PRRC2C: variants seen among roughly 807,000 people sequenced by gnomAD.
The protein encoded by PRRC2C is protein PRRC2C.
Under a neutral mutation model 317.2 loss-of-function variants are expected in PRRC2C, and 72 were observed. The ratio of observed to expected loss-of-function variants is 0.23; its 90% CI spans 0.19 to 0.28. PRRC2C has a LOEUF of 0.28. Among genes scored for constraint, PRRC2C ranks in the 10% least tolerant of loss-of-function variants. The pLI, the probability that PRRC2C is intolerant of heterozygous loss-of-function variation, is 1.00. For missense variants in PRRC2C, 3,074 were observed against 3,459.7 expected, an observed-to-expected ratio of 0.89 and a Z score of 2.80; for synonymous variants, 1,296 against 1,205.9, an observed-to-expected ratio of 1.07 and a Z score of -1.55.
chr1:171,498,237 C>A lies in PRRC2C; in HGVS notation c.-58+12502C>A, dbSNP rs565880255. 2.0e-5 allele frequency among the ~76,000 whole-genome samples: 3 copies of A among 152,250 alleles called. No homozygotes were observed. The East Asian group carries it at 5.8e-4, about 29-fold the overall frequency. On this transcript the variant is annotated intron_variant, in intron 1 of 34. Transcript: ENST00000647382. ...GACTTCCTCTCTTAGTCCATTCATG[C>A]TGCTGTAACAAAATGCCTGAGACTG...
At chr1:171,518,803 T>C (rs1475350099) in intron 6 of PRRC2C, among the ~76,000 whole-genome samples, 1 of 151,588 alleles carries the variant, frequency 6.6e-6, no homozygotes, top group African/African-American at 2.4e-5. Flanking sequence ...TCACTTGGCC[T>C]TTAAACTTTT....
At chr1:171,535,369 C>G (rs1275303606) in intron 12 of PRRC2C, 59 bp from the exon 13 acceptor site, 5 of 1,457,434 alleles carry the variant, frequency 3.4e-6, no homozygotes, top group Non-Finnish European at 2.8e-6. Flanking sequence ...TTGTAAAAAT[C>G]CTGTGTTTGA....
intron 2 of PRRC2C, 120 bp from the exon 3 acceptor site, chr1:171,512,875 A>G (rs1671641622): frequency 4.4e-6 from 4 of 918,836 alleles, no homozygotes; most frequent in African/African-American, 1.7e-5. Flanking sequence ...TTATTTTAAA[A>G]TACATGAATG....
At chr1:171,542,769 T>C (rs1204694566) in intron 16 of PRRC2C, among the ~76,000 whole-genome samples, 1 of 151,932 alleles carries the variant, frequency 6.6e-6, no homozygotes, top group South Asian at 2.1e-4. Flanking sequence ...TGTTTTTTGT[T>C]GTTGTTGTTG....
At chr1:171,588,558 A>G (rs1650585548) in intron 33 of PRRC2C, 53 bp downstream of exon 33, 1 of 1,547,310 alleles carries the variant, frequency 6.5e-7, no homozygotes, top group African/African-American at 1.4e-5. Context: ...ATAGTTGCTA[A>G]TCTGATAAAT....
intron 30 of PRRC2C, 51 bp downstream of exon 30, chr1:171,584,577 T>G: frequency 6.7e-7 from 1 of 1,499,232 alleles, no homozygotes; most frequent in Non-Finnish European, 8.9e-7. Context: ...ATTATTTTTA[T>G]TGCTTTTGTT....
At chr1:171,552,887 G>A (rs1680574069) in intron 18 of PRRC2C, among the ~76,000 whole-genome samples, 2 of 152,026 alleles carry the variant, frequency 1.3e-5, no homozygotes, top group South Asian at 4.2e-4. Flanking sequence ...GAGGATTTTT[G>A]CATCAATGTT....
intron 3 of PRRC2C, chr1:171,513,599 G>A (rs1050108399): frequency 3.0e-6 from 1 of 337,736 alleles, no homozygotes; most frequent in African/African-American, 2.2e-5. Context: ...TGTATATACT[G>A]TAGCAAGAAA....
At chr1:171,567,209 C>T (rs1452042425) in intron 22 of PRRC2C, among the ~76,000 whole-genome samples, 1 of 152,108 alleles carries the variant, frequency 6.6e-6, no homozygotes, top group Non-Finnish European at 1.5e-5. Flanking sequence ...GGAAATAAGG[C>T]AGACTTTTAC....
At chr1:171,579,991 A>G in intron 28 of PRRC2C, 27 bp downstream of exon 28, 1 of 1,462,582 alleles carries the variant, frequency 6.8e-7, no homozygotes, top group Non-Finnish European at 9.1e-7. Context: ...TTATGTTTGT[A>G]ATGATGTTGA....
Position 171,523,514 on chromosome 1 carries a change from G to A in PRRC2C, c.1047G>A (p.Glu349=), listed in dbSNP as rs771751834. Residue 349 remains glutamate, a synonymous_variant, in exon 9 of 35, where the codon GAG becomes GAA. Coordinates refer to ENST00000647382, the MANE Select transcript of PRRC2C (RefSeq NM_001387844.1). Reference sequence around the variant, plus strand: ...AACAAGGAAGTAACAGTCCTAAAGAGAATAACAGGTAAGTTGTGATATCTT... The same window carrying A: ...AACAAGGAAGTAACAGTCCTAAAGAAAATAACAGGTAAGTTGTGATATCTT... The part of the protein sequence containing the change: ...DDEQGSNSPK[E]NNSEDQGSKA... The A allele has an allele frequency of 1.9e-6, 3 of 1,607,630 alleles. 1 individual carries two copies. In the South Asian group the frequency reaches 3.3e-5, roughly 18 times the overall value.
intron 34 of PRRC2C, chr1:171,591,117 C>T (rs1651320346): frequency 5.2e-6 from 5 of 966,266 alleles, no homozygotes; most frequent in African/African-American, 1.8e-5. Flanking sequence ...CAAGTGAAGT[C>T]GTAGTTACTA....
chr1:171,498,220 C>T (rs186818522), intron 1 of PRRC2C, among the ~76,000 whole-genome samples: 13 of 152,278 alleles, frequency 8.5e-5, no homozygotes, highest in African/African-American at 2.9e-4. Flanking sequence ...CTGACTTCCT[C>T]TCTTAGTCCA....
chr1:171,567,207 G>A (rs1314203301), intron 22 of PRRC2C, among the ~76,000 whole-genome samples: 1 of 152,046 alleles, frequency 6.6e-6, no homozygotes, highest in Non-Finnish European at 1.5e-5. Context: ...CAGGAAATAA[G>A]GCAGACTTTT....
In PRRC2C at chr1:171,540,305, G is replaced by A. The variant is rs1482682972; in HGVS notation, c.2839G>A (p.Gly947Ser). The change falls in exon 16 of 35, where the codon GGC becomes AGC. Residue 947 changes from glycine to serine, a missense_variant. Transcript: ENST00000647382. The part of the protein sequence containing the change: ...PDEQRSEPSA[G>S]IPKVTSRCID... Reference sequence around the variant, plus strand: ...CGAGCAGAGAAGTGAACCATCTGCAGGCATTCCTAAAGTAACCAGCAGATG... The same window carrying A: ...CGAGCAGAGAAGTGAACCATCTGCAAGCATTCCTAAAGTAACCAGCAGATG... 4 of 1,613,738 alleles carry A rather than the reference G, an allele frequency of 2.5e-6. No individual in the cohort carries two copies. The Admixed American group carries it at 6.7e-5, about 27-fold the overall frequency.
At chr1:171,562,094 A>G (rs1336799379) in intron 20 of PRRC2C, among the ~76,000 whole-genome samples, 2 of 152,250 alleles carry the variant, frequency 1.3e-5, no homozygotes, top group African/African-American at 4.8e-5. Flanking sequence ...ACAGTTTAAT[A>G]TAGGGTGACC....
chr1:171,559,517 T>TG lies in PRRC2C; in HGVS notation c.6031+1374_6031+1375insG, dbSNP rs1164708373. ...AATGGCATACCAAGTTTGTTTTTTT[T>TG]TTTTTTTTTTTTTTTTTTTTTTTGA... On this transcript the variant is annotated intron_variant, in intron 19 of 34. Transcript: ENST00000647382. Among the ~76,000 whole-genome samples, 183 of 126,100 alleles carry TG rather than the reference T, an allele frequency of 1.5e-3. 9 individuals are homozygous for TG. The East Asian group carries it at 0.02, about 14-fold the overall frequency. The allele number at this position is 126,100 out of a possible 152,430, so 82.7% of individuals were successfully genotyped here. A position where few individuals can be genotyped will look rare whatever the true frequency, so the allele number is the denominator to read the frequency against.
At chr1:171,520,008 G>T (rs1177878404) in intron 6 of PRRC2C, among the ~76,000 whole-genome samples, 1 of 152,126 alleles carries the variant, frequency 6.6e-6, no homozygotes, top group African/African-American at 2.4e-5. Flanking sequence ...TGATGCCTAG[G>T]CTGGAGTGCA....
Position 171,588,517 on chromosome 1 carries a change from T to A in PRRC2C, c.8199+12T>A. The A allele has an allele frequency of 6.2e-7, 1 of 1,611,964 alleles. No homozygotes were observed. The highest frequency in any genetic ancestry group is 8.5e-7 in the Non-Finnish European group (1 of 1,178,416). ...AGTTTGCACCCCAGGTGGGCAGACA[T>A]AATTAAGAAATGAGTATTATTTACT... On this transcript the variant is annotated intron_variant, in intron 33 of 34. Coordinates refer to ENST00000647382, the MANE Select transcript of PRRC2C (RefSeq NM_001387844.1).
Sources: gnomAD v4.1 joint callset for allele counts (sites outside exome capture counted in the v4.1 genomes callset) on GRCh38, gnomAD v4.1.1 for gene constraint, MANE v1.5 for transcripts, NCBI Gene and HGNC (gene_info 2026-07-23, HGNC 2026-07-21) for gene names.